Variants in ADGB observed in about 807,000 individuals in gnomAD.
ADGB encodes androglobin.
ADGB carries 172 observed loss-of-function variants against 210.5 expected under a neutral mutation model. That is an observed-to-expected ratio of 0.82 (90% confidence interval 0.72 to 0.93). The LOEUF (loss-of-function observed/expected upper bound fraction) is 0.93. ADGB is among the 40% of genes least tolerant of loss of function. The probability of loss-of-function intolerance (pLI) is 0.00; values close to 1 mark genes in which losing one functional copy is unlikely to be tolerated. For missense variants in ADGB, 2,025 were observed against 1,964.8 expected, an observed-to-expected ratio of 1.03 and a Z score of -0.58; for synonymous variants, 658 against 662.7, an observed-to-expected ratio of 0.99 and a Z score of 0.11.
intron 33 of ADGB, among the ~76,000 whole-genome samples, chr6:146,790,593 C>T (rs9497624): frequency 0.15 from 22,296 of 152,246 alleles, 3,482 homozygotes; most frequent in African/African-American, 0.39. Flanking sequence ...CATTCCTCTA[C>T]TGATGCGTAC....
In ADGB at chr6:146,763,908, G is replaced by C; in HGVS notation, c.3558G>C (p.Lys1186Asn). ...SEKGLSSQSS[K>N]HILSFHSASK... is the part of the protein sequence containing the mutation. ...AGTATTTCTCCTATTCAGCTAGCAAGCACATTCTTTCATTTCACTCTGCAT... is the reference window on the plus strand; with the variant it reads ...AGTATTTCTCCTATTCAGCTAGCAACCACATTCTTTCATTTCACTCTGCAT... The change falls in exon 28 of 36, where the codon AAG becomes AAC. Residue 1186 changes from lysine to asparagine, a missense_variant. By Grantham distance (94) the Lys-to-Asn change is moderately conservative. Coordinates refer to ENST00000397944, the MANE Select transcript of ADGB (RefSeq NM_024694.4). 6.5e-7 allele frequency: 1 copy of C among 1,550,362 alleles called. No individual in the cohort carries two copies. The highest frequency in any genetic ancestry group is 1.4e-5 in the African/African-American group (1 of 73,094).
chr6:146,649,116 G>T (rs899005498), intron 3 of ADGB, among the ~76,000 whole-genome samples: 17 of 148,580 alleles, frequency 1.1e-4, no homozygotes, highest in African/African-American at 4.2e-4. Context: ...GATTACTTTT[G>T]AAAACTGAGA....
intron 2 of ADGB, among the ~76,000 whole-genome samples, chr6:146,638,443 T>C (rs540486631): frequency 1.3e-5 from 2 of 151,928 alleles, no homozygotes; most frequent in South Asian, 2.1e-4. Context: ...GATGAGTTCA[T>C]GTCCTTTGTA....
intron 25 of ADGB, among the ~76,000 whole-genome samples, chr6:146,744,168 G>C (rs1459590228): frequency 1.3e-5 from 2 of 152,112 alleles, no homozygotes; most frequent in African/African-American, 4.8e-5. Flanking sequence ...CCCTGTGATT[G>C]CATCAGTCTT....
intron 29 of ADGB, among the ~76,000 whole-genome samples, chr6:146,771,511 C>G (rs1047229608): frequency 6.6e-6 from 1 of 152,112 alleles, no homozygotes; most frequent in Admixed American, 6.6e-5. Flanking sequence ...TTCCTACTTC[C>G]CCTGTGGTTC....
At position 146,654,334 on chromosome 6, in the gene ADGB, AT is replaced by A. The variant is rs1214461174; in HGVS notation, c.402+129del. On this transcript the variant is annotated intron_variant, in intron 4 of 35. Transcript: ENST00000397944. The stretch of plus-strand genomic sequence containing the variant: ...AAGTTTTGGTATTATATATATATAT[AT>A]ATAATACCAAAAAATATATATGGGG... 46 of 422,816 alleles carry A rather than the reference AT, an allele frequency of 1.1e-4. 1 individual carries two copies. The highest frequency in any genetic ancestry group is 3.8e-4 in the Middle Eastern group (1 of 2,642). 26.2% of individuals were successfully genotyped at this position (422,816 alleles called of 1,614,324 possible). A position where few individuals can be genotyped will look rare whatever the true frequency, so the allele number is the denominator to read the frequency against.
intron 17 of ADGB, 23 bp from the exon 18 acceptor site, chr6:146,724,163 A>T (rs1483554059): frequency 1.3e-6 from 2 of 1,535,296 alleles, no homozygotes; most frequent in East Asian, 4.9e-5. Flanking sequence ...TCAAACTTTA[A>T]TACCTTTTTA....
At chr6:146,638,325 G>T (rs1027308223) in intron 2 of ADGB, among the ~76,000 whole-genome samples, 1 of 151,842 alleles carries the variant, frequency 6.6e-6, no homozygotes, top group Non-Finnish European at 1.5e-5. Flanking sequence ...ATAAAAAGCT[G>T]TTCTTATAGC....
intron 13 of ADGB, among the ~76,000 whole-genome samples, chr6:146,711,600 G>T (rs1269232628): frequency 6.6e-6 from 1 of 152,108 alleles, no homozygotes; most frequent in Non-Finnish European, 1.5e-5. Flanking sequence ...GCTTGAAGAT[G>T]CTTACATTCC....
intron 16 of ADGB, among the ~76,000 whole-genome samples, chr6:146,720,393 A>G (rs547774288): frequency 4.1e-4 from 63 of 152,336 alleles, no homozygotes; most frequent in African/African-American, 1.4e-3. Flanking sequence ...ATACATTAAT[A>G]GTACCCATAT....
chr6:146,691,500 A>ATTTTTTTTTTT lies in ADGB; in HGVS notation c.1486+225_1486+235dup, dbSNP rs71031007. ...TAAATATATATATATATATATATAT[A>ATTTTTTTTTTT]TTTTTTTTTTTTTTTTTTTTTTTTT... is the stretch of plus-strand genomic sequence containing the variant. On this transcript the variant is annotated intron_variant, in intron 11 of 35. Transcript: ENST00000397944. 1.5e-4 allele frequency among the ~76,000 whole-genome samples: 2 copies of ATTTTTTTTTTT among 13,640 alleles called. 1 individual carries two copies. Among genetic ancestry groups the ATTTTTTTTTTT allele is most frequent in the Non-Finnish European group, 2.0e-4 (2 of 9,940 alleles). 8.9% of individuals were successfully genotyped at this position (13,640 alleles called of 152,430 possible).
intron 3 of ADGB, among the ~76,000 whole-genome samples, chr6:146,651,920 T>C (rs1775709027): frequency 6.6e-6 from 1 of 152,170 alleles, no homozygotes; most frequent in Non-Finnish European, 1.5e-5. Flanking sequence ...ATAAAATACC[T>C]TAAAATCCTG....
At chr6:146,707,550 C>A (rs1241162825) in intron 13 of ADGB, among the ~76,000 whole-genome samples, 1 of 152,084 alleles carries the variant, frequency 6.6e-6, no homozygotes. Context: ...ATTATTGTAT[C>A]CTGTTAAGAA....
intron 1 of ADGB, among the ~76,000 whole-genome samples, chr6:146,630,148 A>G (rs982279120): frequency 6.6e-6 from 1 of 152,128 alleles, no homozygotes; most frequent in Non-Finnish European, 1.5e-5. Context: ...GAAGGAGGAG[A>G]ATCGCTTGAA....
intron 33 of ADGB, among the ~76,000 whole-genome samples, chr6:146,792,162 C>T (rs1777964258): frequency 6.6e-6 from 1 of 151,914 alleles, no homozygotes; most frequent in Non-Finnish European, 1.5e-5. Flanking sequence ...TCTGGTGATG[C>T]CTCCCTCGTT....
chr6:146,700,063 G>A (rs968402220), intron 12 of ADGB, among the ~76,000 whole-genome samples: 4 of 152,178 alleles, frequency 2.6e-5, no homozygotes, highest in Non-Finnish European at 4.4e-5. Flanking sequence ...AGAGATATGT[G>A]GATGGCATTT....
chr6:146,607,524 G>A (rs924441260), intron 1 of ADGB, among the ~76,000 whole-genome samples: 4 of 152,084 alleles, frequency 2.6e-5, no homozygotes, highest in African/African-American at 9.7e-5. Context: ...AACGCTGGCT[G>A]TAGTTTTTCA....
intron 1 of ADGB, among the ~76,000 whole-genome samples, chr6:146,634,189 A>G (rs1231918312): frequency 6.6e-6 from 1 of 152,150 alleles, no homozygotes; most frequent in Non-Finnish European, 1.5e-5. Context: ...CCTAGGAGCA[A>G]TAGACTGTAC....
At chr6:146,693,496 A>T (rs755143482) in intron 12 of ADGB, among the ~76,000 whole-genome samples, 3 of 152,096 alleles carry the variant, frequency 2.0e-5, no homozygotes, top group Non-Finnish European at 4.4e-5. Context: ...GAGAAAATAG[A>T]TTTCTCCTAT....
Sources: allele counts gnomAD v4.1 joint callset (sites outside exome capture counted in the v4.1 genomes callset), GRCh38; gene constraint gnomAD v4.1.1; transcripts MANE v1.5; gene names NCBI Gene and HGNC (gene_info 2026-07-23, HGNC 2026-07-21).